The following VPS13C variants were observed in gnomAD, a reference collection of about 807,000 sequenced individuals.
VPS13C encodes intermembrane lipid transfer protein VPS13C.
Under a neutral mutation model 456.8 loss-of-function variants are expected in VPS13C, and 358 were observed. That is an observed-to-expected ratio of 0.78 (90% CI 0.72 to 0.86). VPS13C has a LOEUF of 0.86. Among genes scored for constraint, VPS13C ranks in the 40% least tolerant of loss-of-function variants. The pLI is 0.00. For missense variants in VPS13C, 4,818 were observed against 4,385.4 expected (o/e 1.10, Z -2.79); for synonymous variants, 1,578 against 1,486.7 (o/e 1.06, Z -1.41).
At chr15:62,016,206 A>T (rs1302659045) in intron 9 of VPS13C, among the ~76,000 whole-genome samples, 1 of 151,224 alleles carries the variant, frequency 6.6e-6, no homozygotes. Flanking sequence ...TCTCCATATA[A>T]GTAGTCATAA....
At chr15:62,037,697 T>C (rs185091385) in intron 3 of VPS13C, among the ~76,000 whole-genome samples, 8 of 100,974 alleles carry the variant, frequency 7.9e-5, no homozygotes, top group African/African-American at 3.1e-4. Flanking sequence ...TGTGCATAAA[T>C]ATTTCAAAAG....
rs2045240514 is a variant in VPS13C at position 61,962,470 on chromosome 15, C to T, written c.3504G>A (p.Gly1168=). ...NLDLYPDATE[G]DLYTDMSKVD... ...CTTTGGACATGTCAGTATACAAATC[C>T]CCCTCAGTAGCATCTGGATACAAAT... The change falls in exon 34 of 85, where the codon GGG becomes GGA. Residue 1168 remains glycine, a synonymous_variant. Transcript: ENST00000644861. The T allele has an allele frequency of 6.2e-7, 1 of 1,611,848 alleles. No individual in the cohort carries two copies. Among genetic ancestry groups the T allele is most frequent in the Non-Finnish European group, 8.5e-7 (1 of 1,178,698 alleles).
At chr15:61,855,155 T>C (rs1194615578) in intron 83 of VPS13C, among the ~76,000 whole-genome samples, 1 of 152,190 alleles carries the variant, frequency 6.6e-6, no homozygotes, top group African/African-American at 2.4e-5. Flanking sequence ...ACTTATAAAA[T>C]TGGATGAGCA....
intron 66 of VPS13C, among the ~76,000 whole-genome samples, chr15:61,893,907 T>C (rs1016003842): frequency 2.0e-5 from 3 of 151,808 alleles, no homozygotes; most frequent in Non-Finnish European, 4.4e-5. Flanking sequence ...ATAATAAATA[T>C]ACTAAAAATG....
At chr15:61,971,908 G>A (rs1596402536) in intron 27 of VPS13C, among the ~76,000 whole-genome samples, 1 of 152,072 alleles carries the variant, frequency 6.6e-6, no homozygotes, top group East Asian at 1.9e-4. Context: ...CTCTCACTAT[G>A]GCACATGAAA....
Position 61,969,410 on chromosome 15 carries a change from T to C in VPS13C, c.2800A>G (p.Ile934Val). The C allele has an allele frequency of 6.3e-7, 1 of 1,576,004 alleles. No homozygotes were observed. The change falls in exon 28 of 85, where the codon ATT becomes GTT. Residue 934 changes from isoleucine to valine, a missense_variant. Ile to Val is a conservative substitution (Grantham distance 29, BLOSUM62 3). Around this residue, in one of 3 missense-constraint regions of VPS13C, gnomAD observed 4,552 missense variants for 4,130.6 expected, o/e 1.10. Transcript: ENST00000644861. ...AACTGAGTAACATTAAATACTAGAA[T>C]TGTATCTTCTTCTTTCTGCTGTTTA... ...FTKQQKEEDT[I>V]LVFNVTQLGT...
chr15:62,034,820 A>T (rs558251886), intron 4 of VPS13C, 137 bp downstream of exon 4: 2 of 514,020 alleles, frequency 3.9e-6, no homozygotes, highest in South Asian at 8.6e-5. Flanking sequence ...AAGTATGCAT[A>T]TAAGTGCATC....
chr15:61,856,642 C>A, intron 82 of VPS13C: 1 of 310,010 alleles, frequency 3.2e-6, no homozygotes, highest in Non-Finnish European at 5.8e-6. Flanking sequence ...TTCTGTCAAT[C>A]TTGCAGAATT....
intron 67 of VPS13C, among the ~76,000 whole-genome samples, chr15:61,887,479 A>G (rs1197968749): frequency 6.6e-6 from 1 of 152,180 alleles, no homozygotes; most frequent in Non-Finnish European, 1.5e-5. Flanking sequence ...AGACTTAAAT[A>G]TAAGTTTGAG....
chr15:61,920,569 T>C lies in VPS13C; in HGVS notation c.7141A>G (p.Ile2381Val), dbSNP rs1329887060. ...ATATTCATTGTATTTCCTGAAGAAA[T>C]ATGAATTGCCATTTGTGGCTCAGGA... ...FIPEPQMAIH[I>V]SSGNTMNITI... is the part of the protein sequence containing the mutation. The change falls in exon 56 of 85, where the codon ATT becomes GTT. Residue 2381 changes from isoleucine (I) to valine (V), a missense_variant. Around this residue, in one of 3 missense-constraint regions of VPS13C, gnomAD observed 4,552 missense variants for 4,130.6 expected, o/e 1.10. Coordinates refer to ENST00000644861, the MANE Select transcript of VPS13C (RefSeq NM_020821.3). 1 of 1,584,658 alleles carries C rather than the reference T, an allele frequency of 6.3e-7. No individual in the cohort carries two copies. Among genetic ancestry groups the C allele is most frequent in the Non-Finnish European group, 8.5e-7 (1 of 1,170,814 alleles).
chr15:61,949,498 CT>C lies in VPS13C; in HGVS notation c.4703del (p.Lys1568ArgfsTer5). The C allele has an allele frequency of 6.2e-7, 1 of 1,613,506 alleles. No individual in the cohort carries two copies. The highest frequency in any genetic ancestry group is 8.5e-7 in the Non-Finnish European group (1 of 1,179,836). ...APFSEPSSSEKESELKPLVGE... is the reference protein window; with the variant it reads ...APFSEPSSSEXESELKPLVGE... ...CCACAAGTGGTTTCAGCTCGGATTC[CT>C]TCTCAGAAGAGGAAGGCTCAGAGAA... is the stretch of plus-strand genomic sequence containing the variant. On this transcript the variant is annotated frameshift_variant, in exon 42 of 85. Transcript: ENST00000644861. LOFTEE classifies it high-confidence loss of function.
chr15:61,946,016 G>T, intron 44 of VPS13C, 134 bp from the exon 45 acceptor site: 1 of 860,648 alleles, frequency 1.2e-6, no homozygotes, highest in Non-Finnish European at 1.7e-6. Context: ...AAAATTATTA[G>T]CTAAAAACAT....
chr15:61,914,092 G>A (rs1403308594), intron 61 of VPS13C, among the ~76,000 whole-genome samples: 1 of 152,140 alleles, frequency 6.6e-6, no homozygotes, highest in African/African-American at 2.4e-5. Flanking sequence ...CAATTAGTTT[G>A]TAAAAAACTT....
rs751616578 is a variant in VPS13C, at chr15:61,991,073, G to T, written c.1505C>A (p.Pro502Gln). Residue 502 changes from proline (P) to glutamine (Q), a missense_variant, in exon 18 of 85, where the codon CCA (proline) becomes CAA (glutamine). Pro to Gln is a moderately conservative substitution (Grantham distance 76, BLOSUM62 -1). Around this residue, in one of 3 missense-constraint regions of VPS13C, gnomAD observed 4,552 missense variants for 4,130.6 expected, o/e 1.10. Transcript: ENST00000644861. ...IPETIDDLMT[P>Q]EEKDKLFTAI... ...AGTGAAGAGTTTATCTTTTTCCTCT[G>T]GAGTCATAAGGTCATCAATAGCTAT... is the stretch of plus-strand genomic sequence containing the variant. 4 of 1,609,426 alleles carry T rather than the reference G, an allele frequency of 2.5e-6. No homozygotes were observed. The African/African-American group carries it at 5.4e-5, about 22-fold the overall frequency.
chr15:62,041,236 A>T, intron 3 of VPS13C, 88 bp downstream of exon 3: 1 of 1,402,482 alleles, frequency 7.1e-7, no homozygotes, highest in Non-Finnish European at 9.8e-7. Flanking sequence ...TCACACTTTT[A>T]ATCAAAGATT....
intron 25 of VPS13C, among the ~76,000 whole-genome samples, chr15:61,973,963 G>C (rs963801739): frequency 6.6e-6 from 1 of 151,948 alleles, no homozygotes; most frequent in Admixed American, 6.6e-5. Context: ...CCATGAGCTG[G>C]CTTTATCAAA....
chr15:61,916,499 G>C (rs1308374124), intron 60 of VPS13C, among the ~76,000 whole-genome samples: 1 of 152,042 alleles, frequency 6.6e-6, no homozygotes, highest in Non-Finnish European at 1.5e-5. Flanking sequence ...GGCATTATTT[G>C]AAAAATGAAT....
chr15:62,048,503 T>C (rs1028995460), intron 1 of VPS13C, among the ~76,000 whole-genome samples: 9 of 152,260 alleles, frequency 5.9e-5, no homozygotes, highest in Non-Finnish European at 1.0e-4. Flanking sequence ...CAGTCTATCG[T>C]TGTTGGACAC....
chr15:61,860,710 G>T (rs139719348), intron 82 of VPS13C, among the ~76,000 whole-genome samples: 1 of 152,080 alleles, frequency 6.6e-6, no homozygotes, highest in Non-Finnish European at 1.5e-5. Flanking sequence ...AGACTAAAAT[G>T]TAATAATGCA....
Sources: gnomAD v4.1 joint callset for allele counts (sites outside exome capture counted in the v4.1 genomes callset) on GRCh38, gnomAD v4.1.1 for gene constraint, gnomAD v4.1.1 regional missense constraint, MANE v1.5 for transcripts, NCBI Gene and HGNC (gene_info 2026-07-23, HGNC 2026-07-21) for gene names.